Variants in NCOA2 observed in about 807,000 individuals in gnomAD.
NCOA2 encodes the protein nuclear receptor coactivator 2, also known as class E basic helix-loop-helix protein 75.
Under a neutral mutation model 145.1 loss-of-function variants are expected in NCOA2, and 21 were observed. That is an observed-to-expected ratio of 0.14 (90% CI 0.10 to 0.21). NCOA2 has a LOEUF of 0.21. NCOA2 is among the 10% of genes least tolerant of loss of function. NCOA2 has a pLI of 1.00. For synonymous variants in NCOA2, 619 were observed against 637.5 expected (o/e 0.97, Z 0.44); for missense variants, 1,472 against 1,837.6 (o/e 0.80, Z 3.64).
chr8:70,274,477 G>A (rs1170726920), intron 2 of NCOA2, among the ~76,000 whole-genome samples: 1 of 151,884 alleles, frequency 6.6e-6, no homozygotes, highest in Non-Finnish European at 1.5e-5. Flanking sequence ...TTTTAAGTAG[G>A]GTCAAAAATT....
At chr8:70,218,199 G>GTTTTTT (rs34322124) in intron 2 of NCOA2, among the ~76,000 whole-genome samples, 223 of 133,814 alleles carry the variant, frequency 1.7e-3, no homozygotes, top group African/African-American at 6.0e-3. Flanking sequence ...AGTGGAGTTA[G>GTTTTTT]TTTTTTTTTT....
upstream of NCOA2, among the ~76,000 whole-genome samples, chr8:70,406,589 C>G (rs763699471): frequency 6.6e-6 from 1 of 151,930 alleles, no homozygotes; most frequent in Non-Finnish European, 1.5e-5. Context: ...AATAACATAC[C>G]GTGAATGGAT....
At chr8:70,165,803 GT>G (rs1813549790) in intron 7 of NCOA2, among the ~76,000 whole-genome samples, 1 of 152,094 alleles carries the variant, frequency 6.6e-6, no homozygotes, top group African/African-American at 2.4e-5. Flanking sequence ...TTAAAAGGTT[GT>G]TTTAACTGTG....
intron 1 of NCOA2, among the ~76,000 whole-genome samples, chr8:70,352,292 T>C (rs894870611): frequency 6.6e-6 from 1 of 152,134 alleles, no homozygotes; most frequent in African/African-American, 2.4e-5. Flanking sequence ...CTCAGAGTGC[T>C]GAAAAAAATT....
chr8:70,300,292 G>A (rs1323421625), intron 1 of NCOA2, among the ~76,000 whole-genome samples: 1 of 152,112 alleles, frequency 6.6e-6, no homozygotes, highest in Admixed American at 6.6e-5. Flanking sequence ...TGCATTTTAT[G>A]GTCTGCAAAT....
At chr8:70,414,545 T>C in the NCOA2 span, among the ~76,000 whole-genome samples, 3 of 152,286 alleles carry the variant, frequency 2.0e-5, no homozygotes, top group African/African-American at 7.2e-5. Flanking sequence ...TCTTCATCTA[T>C]ACATGTTTAG....
At chr8:70,363,079 TAA>T (rs777122942) in intron 1 of NCOA2, among the ~76,000 whole-genome samples, 35 of 99,772 alleles carry the variant, frequency 3.5e-4, no homozygotes, top group Non-Finnish European at 3.4e-4. Context: ...ACTCTGTCTT[TAA>T]AAAAAAAAAA....
the NCOA2 span, among the ~76,000 whole-genome samples, chr8:70,411,626 T>C: frequency 6.6e-6 from 1 of 152,210 alleles, no homozygotes; most frequent in Non-Finnish European, 1.5e-5. Context: ...AGCATTTTTG[T>C]TCAATGGAAT....
chr8:70,383,001 A>G (rs1354640587), intron 1 of NCOA2, among the ~76,000 whole-genome samples: 2 of 152,236 alleles, frequency 1.3e-5, no homozygotes, highest in African/African-American at 4.8e-5. Context: ...CTATTTCAAG[A>G]TTAAAAACAA....
chr8:70,353,941 C>A (rs1809462049), intron 1 of NCOA2, among the ~76,000 whole-genome samples: 1 of 152,100 alleles, frequency 6.6e-6, no homozygotes. Flanking sequence ...ACTTGAAAAT[C>A]AGTTCCATTT....
chr8:70,211,242 T>C (rs938637362), intron 4 of NCOA2, among the ~76,000 whole-genome samples: 2 of 151,964 alleles, frequency 1.3e-5, no homozygotes, highest in African/African-American at 4.8e-5. Context: ...AGGCAGATCA[T>C]GAGGTCAGGA....
At chr8:70,159,222 T>TTATATATATATATATA (rs6150644) in intron 10 of NCOA2, among the ~76,000 whole-genome samples, 13 of 44,486 alleles carry the variant, frequency 2.9e-4, no homozygotes, top group African/African-American at 8.7e-4. Context: ...CAGTATAACA[T>TTATATATATATATATA]TATATATATA....
At chr8:70,216,791 G>GA (rs1819664442) in intron 2 of NCOA2, 27 bp from the exon 3 acceptor site, 3 of 1,391,004 alleles carry the variant, frequency 2.2e-6, no homozygotes, top group East Asian at 2.3e-5. Flanking sequence ...AGAAGAGGAA[G>GA]AAAAAAATGA....
At chr8:70,129,462 T>TA (rs1808834248) in intron 16 of NCOA2, among the ~76,000 whole-genome samples, 1 of 152,168 alleles carries the variant, frequency 6.6e-6, no homozygotes, top group South Asian at 2.1e-4. Context: ...AAATGAGACT[T>TA]AAAGACATGA....
At chr8:70,303,971 G>A (rs1012258140) in intron 1 of NCOA2, among the ~76,000 whole-genome samples, 1 of 151,910 alleles carries the variant, frequency 6.6e-6, no homozygotes, top group Non-Finnish European at 1.5e-5. Flanking sequence ...TCTCCCAATA[G>A]TGTGGATAAT....
At chr8:70,437,147 T>C in the NCOA2 span, among the ~76,000 whole-genome samples, 1 of 152,226 alleles carries the variant, frequency 6.6e-6, no homozygotes, top group Non-Finnish European at 1.5e-5. Flanking sequence ...TTTCTACATA[T>C]GCTATTCCCT....
chr8:70,440,335 C>G, the NCOA2 span, among the ~76,000 whole-genome samples: 2 of 152,062 alleles, frequency 1.3e-5, no homozygotes, highest in African/African-American at 4.8e-5. Context: ...AGTGGTGGCT[C>G]ACGCCTGGAA....
chr8:70,152,266 AT>A (rs1235896290), intron 11 of NCOA2, among the ~76,000 whole-genome samples: 5 of 152,170 alleles, frequency 3.3e-5, no homozygotes, highest in Non-Finnish European at 7.4e-5. Flanking sequence ...TGGTTTTAGG[AT>A]TTTTTCATGT....
chr8:70,309,368 TA>T (rs1298852392), intron 1 of NCOA2, among the ~76,000 whole-genome samples: 192 of 133,880 alleles, frequency 1.4e-3, no homozygotes, highest in Non-Finnish European at 1.4e-3. Context: ...AATAAGGACT[TA>T]AAAAAAAAAA....
Sources: gnomAD v4.1 joint callset for allele counts (sites outside exome capture counted in the v4.1 genomes callset) on GRCh38, gnomAD v4.1.1 for gene constraint, MANE v1.5 for transcripts, NCBI Gene and HGNC (gene_info 2026-07-23, HGNC 2026-07-21) for gene names.